The following ANO1 variants were observed in gnomAD, a reference collection of about 807,000 sequenced individuals.
The protein encoded by ANO1 is anoctamin-1.
ANO1 carries 59 observed loss-of-function variants against 124.0 expected under a neutral mutation model. The observed-to-expected ratio is 0.48, with a 90% CI of 0.39 to 0.59. The LOEUF (loss-of-function observed/expected upper bound fraction) is 0.59. ANO1 is among the 20% of genes least tolerant of loss of function. ANO1 has a pLI of 0.00. For synonymous variants in ANO1, 529 were observed against 532.0 expected (o/e 0.99, Z 0.08); for missense variants, 1,059 against 1,328.0 (o/e 0.80, Z 3.15).
At chr11:70,039,738 C>T (rs146050773) in intron 1 of ANO1, among the ~76,000 whole-genome samples, 124 of 152,264 alleles carry the variant, frequency 8.1e-4, no homozygotes, top group East Asian at 5.8e-3. Flanking sequence ...AGAGCATGAT[C>T]GCTGTCATTT....
chr11:70,061,932 T>G (rs1299616651), intron 1 of ANO1, among the ~76,000 whole-genome samples: 7 of 152,176 alleles, frequency 4.6e-5, no homozygotes, highest in Non-Finnish European at 1.0e-4. Flanking sequence ...AGGGCCTCAG[T>G]TTCCTCATCT....
At chr11:69,971,991 C>A in the ANO1 span, among the ~76,000 whole-genome samples, 3 of 151,920 alleles carry the variant, frequency 2.0e-5, no homozygotes, top group East Asian at 5.8e-4. Context: ...GAGGCCCAGG[C>A]GGGTGGATCC....
At chr11:70,161,131 C>T (rs1405847207) in intron 16 of ANO1, 30 bp from the exon 17 acceptor site, 14 of 1,597,190 alleles carry the variant, frequency 8.8e-6, no homozygotes, top group Non-Finnish European at 1.0e-5. Context: ...GGTGGGCCCC[C>T]AACCAAGAGT....
intron 11 of ANO1, among the ~76,000 whole-genome samples, chr11:70,140,643 C>G (rs1192190574): frequency 6.6e-6 from 1 of 152,142 alleles, no homozygotes; most frequent in African/African-American, 2.4e-5. Flanking sequence ...ACCCTAGGTA[C>G]AGTGCTTGTT....
rs113362795 is a variant in ANO1 at position 70,187,320 on chromosome 11, G to A, written c.2695-418G>A. On this transcript the variant is annotated intron_variant, in intron 25 of 25. Coordinates refer to ENST00000355303, the MANE Select transcript of ANO1 (RefSeq NM_018043.7). ...TCTATCCACCAGAAATGTCTCCGTG[G>A]AGGTGGTAGATGTTCAGGGAGACCC... Among the ~76,000 whole-genome samples the A allele has an allele frequency of 7.6e-3, 1,152 of 152,362 alleles. 9 individuals carry two copies. The highest frequency in any genetic ancestry group is 0.041 in the Middle Eastern group (12 of 294).
At chr11:70,081,694 T>C (rs1486353515) in intron 1 of ANO1, among the ~76,000 whole-genome samples, 3 of 151,992 alleles carry the variant, frequency 2.0e-5, no homozygotes, top group Admixed American at 2.0e-4. Flanking sequence ...GAGCCCAGAG[T>C]CCCAGGACAG....
At chr11:69,984,019 AT>A (rs1318664009), upstream of ANO1, among the ~76,000 whole-genome samples, 26 of 151,738 alleles carry the variant, frequency 1.7e-4, no homozygotes, top group Admixed American at 2.6e-4. Context: ...ACGTATTTAC[AT>A]TTTTTTTTCC....
intron 1 of ANO1, among the ~76,000 whole-genome samples, chr11:70,045,007 C>T (rs1555005413): frequency 1.3e-5 from 2 of 152,150 alleles, no homozygotes; most frequent in Non-Finnish European, 2.9e-5. Context: ...TTAAATTACA[C>T]TCCCATGTTT....
intron 2 of ANO1, among the ~76,000 whole-genome samples, chr11:70,088,945 A>G (rs1018617611): frequency 3.3e-5 from 5 of 152,178 alleles, no homozygotes; most frequent in Non-Finnish European, 7.4e-5. Flanking sequence ...ATTTCAAAAG[A>G]GAACAAAAGG....
the ANO1 span, among the ~76,000 whole-genome samples, chr11:69,970,913 G>A: frequency 2.6e-5 from 4 of 152,180 alleles, no homozygotes; most frequent in Non-Finnish European, 5.9e-5. Context: ...GTTCCAGCCA[G>A]CAGGAAACAG....
At chr11:69,982,809 G>A (rs1855970629), upstream of ANO1, among the ~76,000 whole-genome samples, 1 of 152,148 alleles carries the variant, frequency 6.6e-6, no homozygotes, top group Non-Finnish European at 1.5e-5. Flanking sequence ...CTTCCAACCT[G>A]AGAAAGGGCT....
At chr11:70,068,266 G>T (rs1019014594) in intron 1 of ANO1, among the ~76,000 whole-genome samples, 3 of 152,202 alleles carry the variant, frequency 2.0e-5, no homozygotes, top group Non-Finnish European at 4.4e-5. Context: ...GTCCGTGCAG[G>T]GGTTGGTTGA....
chr11:70,010,179 G>GTATGTGTGTGTATATAGATATATATA (rs1188271051), intron 1 of ANO1, among the ~76,000 whole-genome samples: 2 of 83,776 alleles, frequency 2.4e-5, no homozygotes, highest in African/African-American at 4.7e-5. Context: ...GTGTGTGTGT[G>GTATGTGTGTGTATATAGATATATATA]TATATATATA....
chr11:70,061,230 T>C (rs1857568551), intron 1 of ANO1, among the ~76,000 whole-genome samples: 1 of 151,924 alleles, frequency 6.6e-6, no homozygotes, highest in South Asian at 2.1e-4. Context: ...AGAAGCAGGA[T>C]AGTGTCCTGC....
At chr11:70,107,490 C>CGGGGGGGGGGGGGGGGGGGGGGGGGA (rs1432604573) in intron 5 of ANO1, among the ~76,000 whole-genome samples, 1 of 64,488 alleles carries the variant, frequency 1.6e-5, no homozygotes. Context: ...CCAGTGGAGG[C>CGGGGGGGGGGGGGGGGGGGGGGGGGA]GGCGGGGCGG....
intron 12 of ANO1, 126 bp downstream of exon 12, chr11:70,149,918 C>A (rs1310121551): frequency 9.8e-7 from 1 of 1,025,284 alleles, no homozygotes; most frequent in Non-Finnish European, 1.5e-6. Context: ...GAGGCAAGGC[C>A]GCCCCCCATC....
chr11:70,146,453 G>A (rs890355443), intron 11 of ANO1, among the ~76,000 whole-genome samples: 2 of 152,216 alleles, frequency 1.3e-5, no homozygotes, highest in African/African-American at 4.8e-5. Context: ...AGTGGGGTGA[G>A]TGTCATAATG....
At chr11:69,971,866 C>A in the ANO1 span, among the ~76,000 whole-genome samples, 1 of 152,124 alleles carries the variant, frequency 6.6e-6, no homozygotes, top group African/African-American at 2.4e-5. Context: ...TTGCAGAGAA[C>A]AAAACAGACA....
At chr11:70,058,328 C>A (rs961800915) in intron 1 of ANO1, among the ~76,000 whole-genome samples, 1 of 152,036 alleles carries the variant, frequency 6.6e-6, no homozygotes, top group African/African-American at 2.4e-5. Context: ...TATACTAGGC[C>A]AGATTGATTT....
Sources: gnomAD v4.1 joint callset for allele counts (sites outside exome capture counted in the v4.1 genomes callset) on GRCh38, gnomAD v4.1.1 for gene constraint, MANE v1.5 for transcripts, NCBI Gene and HGNC (gene_info 2026-07-23, HGNC 2026-07-21) for gene names.